RASAL2: variants seen among roughly 807,000 people sequenced by gnomAD.
RASAL2 encodes the protein RAS protein activator like 2.
RASAL2 carries 58 observed loss-of-function variants against 128.9 expected under a neutral mutation model. The ratio of observed to expected loss-of-function variants is 0.45; its 90% CI spans 0.36 to 0.56. RASAL2 has a LOEUF of 0.56. RASAL2 is among the 20% of genes least tolerant of loss of function. The pLI, the probability that RASAL2 is intolerant of heterozygous loss-of-function variation, is 0.00. For missense variants in RASAL2, 1,360 were observed against 1,601.6 expected (o/e 0.85, Z 2.57); for synonymous variants, 561 against 580.8 (o/e 0.97, Z 0.49).
intron 1 of RASAL2, among the ~76,000 whole-genome samples, chr1:178,228,309 C>T (rs1049371525): frequency 6.6e-5 from 10 of 152,010 alleles, no homozygotes; most frequent in East Asian, 1.9e-4. Flanking sequence ...GGGCCGGGTG[C>T]GGTGGCTTAT....
intron 1 of RASAL2, among the ~76,000 whole-genome samples, chr1:178,245,786 G>A (rs576410072): frequency 4.1e-4 from 63 of 152,216 alleles, no homozygotes; most frequent in African/African-American, 1.3e-3. Context: ...TTCTGCATAC[G>A]GCTAGCCAGT....
chr1:178,226,914 T>C (rs1663811505), intron 1 of RASAL2, among the ~76,000 whole-genome samples: 1 of 152,150 alleles, frequency 6.6e-6, no homozygotes, highest in Middle Eastern at 3.2e-3. Flanking sequence ...CACTCCAGCC[T>C]AGGTGACAGA....
chr1:178,202,299 G>A (rs1473792627), intron 1 of RASAL2, among the ~76,000 whole-genome samples: 1 of 152,148 alleles, frequency 6.6e-6, no homozygotes, highest in African/African-American at 2.4e-5. Flanking sequence ...TTTCACTCCT[G>A]CCACCCTGCC....
At position 178,458,646 on chromosome 1, in the gene RASAL2, C is replaced by T. The variant is rs1677960764; in HGVS notation, c.3252+102C>T. On this transcript the variant is annotated intron_variant, in intron 14 of 17. Coordinates refer to ENST00000367649, the MANE Select transcript of RASAL2 (RefSeq NM_170692.4). The stretch of plus-strand genomic sequence containing the variant: ...GGAAATCCTATTGTTAACAAGATTT[C>T]CTCTTAAAAGCAACCTTTAAATGGA... 3.5e-6 allele frequency: 5 copies of T among 1,442,916 alleles called. No individual in the cohort carries two copies. The East Asian group carries it at 9.2e-5, about 27-fold the overall frequency. 89.4% of individuals were successfully genotyped at this position (1,442,916 alleles called of 1,614,324 possible).
chr1:178,190,456 G>C (rs1039001358), intron 1 of RASAL2, among the ~76,000 whole-genome samples: 4 of 152,126 alleles, frequency 2.6e-5, no homozygotes, highest in Non-Finnish European at 5.9e-5. Context: ...TGTTCATTAA[G>C]TTCTAATTTT....
At chr1:178,209,957 G>A (rs1164964081) in intron 1 of RASAL2, among the ~76,000 whole-genome samples, 1 of 151,830 alleles carries the variant, frequency 6.6e-6, no homozygotes, top group African/African-American at 2.4e-5. Flanking sequence ...ATCAAATGTG[G>A]AAAAATATTA....
At chr1:178,412,033 A>C in intron 4 of RASAL2, 1 of 417,420 alleles carries the variant, frequency 2.4e-6, no homozygotes, top group Non-Finnish European at 4.4e-6. Context: ...TCCTCAAAAT[A>C]CTTTCTGAAA....
intron 4 of RASAL2, among the ~76,000 whole-genome samples, chr1:178,406,227 A>G (rs769592389): frequency 3.3e-5 from 5 of 152,250 alleles, no homozygotes; most frequent in Non-Finnish European, 7.3e-5. Flanking sequence ...CAAATGGTTA[A>G]ACAATTGTTG....
At chr1:178,230,418 A>G (rs1249056467) in intron 1 of RASAL2, among the ~76,000 whole-genome samples, 1 of 152,184 alleles carries the variant, frequency 6.6e-6, no homozygotes, top group African/African-American at 2.4e-5. Flanking sequence ...ATTACCAATC[A>G]TGAGAGTTCT....
chr1:178,421,211 C>T (rs1048798096), intron 5 of RASAL2, among the ~76,000 whole-genome samples: 1 of 151,932 alleles, frequency 6.6e-6, no homozygotes, highest in African/African-American at 2.4e-5. Flanking sequence ...TGAAATTGGC[C>T]TTGTTGGTTT....
chr1:178,119,494 A>G (rs1659636564), intron 1 of RASAL2, among the ~76,000 whole-genome samples: 1 of 152,232 alleles, frequency 6.6e-6, no homozygotes, highest in Admixed American at 6.5e-5. Context: ...TACACTGCAT[A>G]GACTCAACAT....
intron 1 of RASAL2, among the ~76,000 whole-genome samples, chr1:178,201,807 G>A (rs1333448949): frequency 3.9e-5 from 6 of 152,138 alleles, no homozygotes; most frequent in Non-Finnish European, 4.4e-5. Flanking sequence ...AGCAGAAAAC[G>A]TTCAGGTCAA....
chr1:178,212,497 T>C (rs1025516885), intron 1 of RASAL2, among the ~76,000 whole-genome samples: 2 of 152,154 alleles, frequency 1.3e-5, no homozygotes, highest in Non-Finnish European at 2.9e-5. Flanking sequence ...ACTCTTTTTT[T>C]TTCTGTTTTT....
In RASAL2 at chr1:178,457,933, A is replaced by G. The variant is rs1334677130; in HGVS notation, c.2641A>G (p.Ile881Val). The stretch of plus-strand genomic sequence containing the variant: ...ACGCTTGACCGGAAGCCAGCTTTCC[A>G]TAACCCAGGTGGCCAGCATCAAACA... ...PIRLTGSQLSITQVASIKQLR... is the reference protein window; with the variant it reads ...PIRLTGSQLSVTQVASIKQLR... Residue 881 changes from isoleucine (I) to valine (V), a missense_variant, in exon 14 of 18, where the codon ATA (isoleucine) becomes GTA (valine). Coordinates refer to ENST00000367649, the MANE Select transcript of RASAL2 (RefSeq NM_170692.4). The G allele has an allele frequency of 6.2e-6, 10 of 1,614,060 alleles. No individual in the cohort carries two copies. Among genetic ancestry groups the G allele is most frequent in the African/African-American group, 1.3e-5 (1 of 74,938 alleles).
At chr1:178,272,117 G>T (rs1666288749) in intron 1 of RASAL2, among the ~76,000 whole-genome samples, 2 of 152,048 alleles carry the variant, frequency 1.3e-5, no homozygotes, top group Admixed American at 1.3e-4. Flanking sequence ...TATACTGATT[G>T]TACAGTATTT....
chr1:178,400,265 G>A lies in RASAL2; in HGVS notation c.564+10059G>A, dbSNP rs563881583. On this transcript the variant is annotated intron_variant, in intron 4 of 17. Transcript: ENST00000367649. The stretch of plus-strand genomic sequence containing the variant: ...CACCCCCAACTCTCTTCAGTCCTGA[G>A]TTCCATCTTTAACAAATCTGAGAGT... Among the ~76,000 whole-genome samples the A allele has an allele frequency of 2.6e-5, 4 of 152,232 alleles. No homozygotes were observed. In the South Asian group the frequency reaches 8.3e-4, roughly 32 times the overall value.
intron 3 of RASAL2, among the ~76,000 whole-genome samples, chr1:178,329,409 G>C (rs1259786593): frequency 6.6e-6 from 1 of 152,130 alleles, no homozygotes; most frequent in Non-Finnish European, 1.5e-5. Flanking sequence ...GGCCTGTGAA[G>C]TGCTCAGCAT....
chr1:178,157,489 C>T (rs757020146), intron 1 of RASAL2, among the ~76,000 whole-genome samples: 2 of 152,140 alleles, frequency 1.3e-5, no homozygotes, highest in Non-Finnish European at 2.9e-5. Context: ...TGGGGAAGGA[C>T]TGTAGGCTGT....
chr1:178,172,922 GT>G (rs1558094971), intron 1 of RASAL2, among the ~76,000 whole-genome samples: 1 of 152,056 alleles, frequency 6.6e-6, no homozygotes, highest in South Asian at 2.1e-4. Context: ...TATTTACCTG[GT>G]AATTGCATTC....
Sources: gnomAD v4.1 joint callset for allele counts (sites outside exome capture counted in the v4.1 genomes callset) on GRCh38, gnomAD v4.1.1 for gene constraint, MANE v1.5 for transcripts, NCBI Gene and HGNC (gene_info 2026-07-23, HGNC 2026-07-21) for gene names.